Variants in NEGR1 observed in about 807,000 individuals in gnomAD.
NEGR1 encodes the protein neuronal growth regulator 1.
NEGR1 carries 10 observed loss-of-function variants against 40.9 expected under a neutral mutation model. The observed-to-expected ratio is 0.24, with a 90% CI of 0.15 to 0.42. The LOEUF is 0.42. NEGR1 is among the 10% of genes least tolerant of loss of function. The probability of loss-of-function intolerance (pLI) is 1.00; values close to 1 mark genes in which losing one functional copy is unlikely to be tolerated. For missense variants in NEGR1, 352 were observed against 438.9 expected (o/e 0.80, Z 1.77); for synonymous variants, 185 against 166.8 (o/e 1.11, Z -0.84).
chr1:71,822,231 TAG>T (rs1177701157), intron 2 of NEGR1, among the ~76,000 whole-genome samples: 1 of 151,910 alleles, frequency 6.6e-6, no homozygotes, highest in Non-Finnish European at 1.5e-5. Context: ...AGCAAAAGGC[TAG>T]ACTGTCACAG....
chr1:72,068,873 T>C lies in NEGR1; in HGVS notation c.177-133562A>G, dbSNP rs560624942. Among the ~76,000 whole-genome samples, 121 of 152,252 alleles carry C rather than the reference T, an allele frequency of 7.9e-4. 1 individual carries two copies. The highest frequency in any genetic ancestry group is 2.8e-3 in the African/African-American group (115 of 41,554). ...GCAGCTAAATATGTAATCATTTAAATTTAACAAAACACATGTTTATCATGA... is the reference window on the plus strand; with the variant it reads ...GCAGCTAAATATGTAATCATTTAAACTTAACAAAACACATGTTTATCATGA... On this transcript the variant is annotated intron_variant, in intron 1 of 6. Transcript: ENST00000357731.
intron 4 of NEGR1, among the ~76,000 whole-genome samples, chr1:71,661,744 C>T (rs1652061534): frequency 6.6e-6 from 1 of 152,148 alleles, no homozygotes; most frequent in African/African-American, 2.4e-5. Context: ...TACCATCTAG[C>T]CTAACTATAT....
At chr1:71,602,238 CTTTTTTT>C (rs386367303) in intron 5 of NEGR1, among the ~76,000 whole-genome samples, 3 of 64,536 alleles carry the variant, frequency 4.6e-5, no homozygotes, top group Non-Finnish European at 8.1e-5. Flanking sequence ...CATGATTATT[CTTTTTTT>C]TTTTTTTTTT....
chr1:72,220,732 T>C lies in NEGR1; in HGVS notation c.176+61587A>G, dbSNP rs1352859656. ...TAAATGGGCCAATTATTTAGGACTT[T>C]GTAGGAGCTAGTTTGGAAATGAACT... On this transcript the variant is annotated intron_variant, in intron 1 of 6. Transcript: ENST00000357731. Among the ~76,000 whole-genome samples, 2 of 152,204 alleles carry C rather than the reference T, an allele frequency of 1.3e-5. 1 individual carries two copies. Among genetic ancestry groups the C allele is most frequent in the East Asian group, 3.9e-4 (2 of 5,170 alleles).
At chr1:72,061,070 G>A (rs1246649450) in intron 1 of NEGR1, among the ~76,000 whole-genome samples, 3 of 151,588 alleles carry the variant, frequency 2.0e-5, no homozygotes, top group Non-Finnish European at 4.4e-5. Context: ...CTCACTCAGG[G>A]CTAGAATCTA....
At chr1:71,915,303 C>G (rs79253102) in intron 2 of NEGR1, among the ~76,000 whole-genome samples, 2,366 of 151,732 alleles carry the variant, frequency 0.016, 45 homozygotes, top group South Asian at 0.1. Flanking sequence ...GCTGTCATCA[C>G]TAAAGAATAG....
intron 5 of NEGR1, among the ~76,000 whole-genome samples, chr1:71,608,675 G>A (rs369412799): frequency 6.6e-5 from 10 of 152,246 alleles, no homozygotes; most frequent in African/African-American, 2.2e-4. Context: ...ACTTTGAAAG[G>A]TATGTAAAAT....
intron 6 of NEGR1, chr1:71,573,326 T>C (rs1237408541): frequency 1.3e-5 from 2 of 152,220 alleles, no homozygotes; most frequent in Non-Finnish European, 2.9e-5. Context: ...TTTAATGCTA[T>C]TGGCAAAATT....
intron 1 of NEGR1, among the ~76,000 whole-genome samples, chr1:72,072,505 C>G (rs933200058): frequency 6.6e-6 from 1 of 152,102 alleles, no homozygotes; most frequent in African/African-American, 2.4e-5. Context: ...AAAAGTGGAT[C>G]TAATATACTT....
At chr1:71,922,023 A>G (rs1645725168) in intron 2 of NEGR1, among the ~76,000 whole-genome samples, 1 of 152,074 alleles carries the variant, frequency 6.6e-6, no homozygotes, top group Admixed American at 6.6e-5. Context: ...GAAGGAGAGA[A>G]CCTCAGAGAT....
At chr1:72,079,105 AT>A (rs1251941630) in intron 1 of NEGR1, among the ~76,000 whole-genome samples, 2 of 145,024 alleles carry the variant, frequency 1.4e-5, no homozygotes, top group Non-Finnish European at 3.0e-5. Flanking sequence ...ATATATATAT[AT>A]ATATAATATT....
chr1:71,619,060 C>T lies in NEGR1; in HGVS notation c.668-7914G>A, dbSNP rs140346762. ...TCACAGATTTCATGTAAGGAGAAGG[C>T]TTCAATTATTTGTGCCATAAGGATA... On this transcript the variant is annotated intron_variant, in intron 4 of 6. Transcript: ENST00000357731. Among the ~76,000 whole-genome samples the T allele has an allele frequency of 7.5e-3, 1,148 of 152,164 alleles. 6 individuals are homozygous for T. The highest frequency in any genetic ancestry group is 0.011 in the Non-Finnish European group (743 of 67,996).
chr1:72,141,774 T>G (rs1198467545), intron 1 of NEGR1, among the ~76,000 whole-genome samples: 1 of 151,992 alleles, frequency 6.6e-6, no homozygotes, highest in Non-Finnish European at 1.5e-5. Context: ...TACATTGGGC[T>G]GAAGGACAAA....
chr1:71,695,091 A>T (rs1438768194), intron 4 of NEGR1, among the ~76,000 whole-genome samples: 1 of 151,792 alleles, frequency 6.6e-6, no homozygotes, highest in Non-Finnish European at 1.5e-5. Context: ...AGTAGCTCTC[A>T]ATTTTTGACT....
At chr1:71,874,307 T>C (rs574100948) in intron 2 of NEGR1, among the ~76,000 whole-genome samples, 48 of 152,106 alleles carry the variant, frequency 3.2e-4, no homozygotes, top group Non-Finnish European at 5.0e-4. Context: ...TGAAGAAAAA[T>C]AGAAGAATCG....
intron 6 of NEGR1, among the ~76,000 whole-genome samples, chr1:71,414,653 G>A (rs1388243301): frequency 6.6e-6 from 1 of 152,160 alleles, no homozygotes; most frequent in African/African-American, 2.4e-5. Context: ...CTGTTGCACA[G>A]CGATTTCTAG....
At chr1:71,605,449 C>T (rs896849579) in intron 5 of NEGR1, among the ~76,000 whole-genome samples, 18 of 152,222 alleles carry the variant, frequency 1.2e-4, no homozygotes, top group African/African-American at 4.1e-4. Flanking sequence ...TAAGACAAGA[C>T]GGTAATACCA....
At chr1:71,622,695 T>G (rs529647843) in intron 4 of NEGR1, among the ~76,000 whole-genome samples, 57 of 151,874 alleles carry the variant, frequency 3.8e-4, no homozygotes, top group Non-Finnish European at 6.3e-4. Context: ...CATATATACA[T>G]TCGAGATAGG....
At chr1:72,117,244 T>C (rs1198143748) in intron 1 of NEGR1, among the ~76,000 whole-genome samples, 1 of 151,882 alleles carries the variant, frequency 6.6e-6, no homozygotes, top group Non-Finnish European at 1.5e-5. Flanking sequence ...CTTAGTTATT[T>C]GTCTAATTAA....
Sources: allele counts gnomAD v4.1 joint callset (sites outside exome capture counted in the v4.1 genomes callset), GRCh38; gene constraint gnomAD v4.1.1; transcripts MANE v1.5; gene names NCBI Gene and HGNC (gene_info 2026-07-23, HGNC 2026-07-21).